Variants in PTPRD observed in about 807,000 individuals in gnomAD.
PTPRD encodes the protein protein tyrosine phosphatase receptor type D.
In PTPRD, 34 loss-of-function variants were observed where a neutral mutation model predicts 214.5. The observed-to-expected ratio is 0.16, with a 90% confidence interval of 0.12 to 0.21. The LOEUF (loss-of-function observed/expected upper bound fraction) is 0.21, where lower values mean the gene tolerates loss of function less well. Ranked by LOEUF, PTPRD falls within the 10% of genes least tolerant of loss-of-function variation. The pLI is 1.00. For missense variants in PTPRD, 2,545 were observed against 2,398.7 expected (o/e 1.06, Z -1.27); for synonymous variants, 1,128 against 845.7 (o/e 1.33, Z -5.79).
At chr9:8,458,267 G>A (rs1004456823) in intron 33 of PTPRD, among the ~76,000 whole-genome samples, 1 of 152,100 alleles carries the variant, frequency 6.6e-6, no homozygotes, top group Non-Finnish European at 1.5e-5. Context: ...ACTTGCAGAT[G>A]AAGGAAGAAA....
At position 9,162,534 on chromosome 9, in the gene PTPRD, G is replaced by C. The variant is rs535408796; in HGVS notation, c.-143+20770C>G. Reference sequence around the variant, plus strand: ...TCCATCTACATAATTGATCTACCATGTATCTGCAGTCTGAAATCCTTCCCC... The same window carrying C: ...TCCATCTACATAATTGATCTACCATCTATCTGCAGTCTGAAATCCTTCCCC... On this transcript the variant is annotated intron_variant, in intron 10 of 45. Coordinates refer to ENST00000381196, the MANE Select transcript of PTPRD (RefSeq NM_002839.4). 2.0e-5 allele frequency among the ~76,000 whole-genome samples: 3 copies of C among 152,134 alleles called. No homozygotes were observed. In the East Asian group the frequency reaches 5.8e-4, roughly 30 times the overall value.
At chr9:10,332,255 G>A (rs974932881) in intron 3 of PTPRD, among the ~76,000 whole-genome samples, 2 of 151,798 alleles carry the variant, frequency 1.3e-5, no homozygotes, top group African/African-American at 4.8e-5. Context: ...TACCATGAGA[G>A]ATGTCAGGAG....
intron 9 of PTPRD, among the ~76,000 whole-genome samples, chr9:9,275,068 ATAT>A (rs750492503): frequency 4.9e-4 from 32 of 65,778 alleles, no homozygotes; most frequent in Admixed American, 7.9e-4. Flanking sequence ...TATATATATT[ATAT>A]ATATATATAT....
intron 2 of PTPRD, among the ~76,000 whole-genome samples, chr9:10,474,014 C>T (rs2099047314): frequency 6.6e-6 from 1 of 151,996 alleles, no homozygotes; most frequent in Admixed American, 6.6e-5. Context: ...AAAACCAGTA[C>T]CAGTCACTGC....
chr9:10,343,912 T>A (rs112472484), intron 2 of PTPRD, among the ~76,000 whole-genome samples: 2,323 of 151,726 alleles, frequency 0.015, 71 homozygotes, highest in African/African-American at 0.053. Context: ...TATTAGCTCT[T>A]TGTCAGATGG....
intron 3 of PTPRD, among the ~76,000 whole-genome samples, chr9:10,211,885 C>T (rs1196822851): frequency 1.3e-5 from 2 of 151,988 alleles, no homozygotes; most frequent in East Asian, 3.9e-4. Context: ...CACTAAAAGC[C>T]CAGACTTTAC....
intron 11 of PTPRD, among the ~76,000 whole-genome samples, chr9:9,005,678 A>G (rs1450102168): frequency 1.3e-5 from 2 of 152,066 alleles, no homozygotes; most frequent in African/African-American, 4.8e-5. Flanking sequence ...GTGCCTTTTA[A>G]TAAAGTTCAC....
intron 10 of PTPRD, among the ~76,000 whole-genome samples, chr9:9,096,621 G>C (rs935804609): frequency 1.3e-5 from 2 of 152,034 alleles, no homozygotes; most frequent in Non-Finnish European, 2.9e-5. Flanking sequence ...AGGTTACATA[G>C]AGATTATCAG....
intron 5 of PTPRD, among the ~76,000 whole-genome samples, chr9:9,905,412 C>A (rs2077320816): frequency 6.6e-6 from 1 of 151,918 alleles, no homozygotes; most frequent in South Asian, 2.1e-4. Flanking sequence ...AGTCTGCAAA[C>A]AACTATATTG....
intron 3 of PTPRD, among the ~76,000 whole-genome samples, chr9:10,129,137 C>A (rs181516221): frequency 6.6e-6 from 1 of 152,212 alleles, no homozygotes; most frequent in Admixed American, 6.5e-5. Context: ...TTGGACCTTG[C>A]TGCTTCTTGT....
At chr9:8,497,491 A>G (rs1346078206) in intron 25 of PTPRD, among the ~76,000 whole-genome samples, 1 of 152,218 alleles carries the variant, frequency 6.6e-6, no homozygotes, top group Admixed American at 6.5e-5. Flanking sequence ...ACCAGCTAAC[A>G]TTCTTTAAAT....
At chr9:8,507,535 C>T (rs1340310550) in intron 21 of PTPRD, 101 bp from the exon 22 acceptor site, 10 of 1,403,144 alleles carry the variant, frequency 7.1e-6, no homozygotes, top group Middle Eastern at 1.8e-4. Context: ...AATCTGTACA[C>T]ATGTACCAGC....
intron 2 of PTPRD, among the ~76,000 whole-genome samples, chr9:10,579,260 C>CT (rs2070786869): frequency 6.6e-6 from 1 of 152,074 alleles, no homozygotes; most frequent in African/African-American, 2.4e-5. Context: ...CCAATAGTAG[C>CT]TTTTTTGCCC....
At chr9:8,514,264 T>C (rs1054676922) in intron 21 of PTPRD, among the ~76,000 whole-genome samples, 7 of 152,198 alleles carry the variant, frequency 4.6e-5, no homozygotes, top group African/African-American at 1.2e-4. Flanking sequence ...TTTAGCATTC[T>C]AAATACAAGG....
Position 9,381,714 on chromosome 9 carries a change from G to GT in PTPRD, c.-203+15734dup, listed in dbSNP as rs34478942. 5.0e-3 allele frequency among the ~76,000 whole-genome samples: 742 copies of GT among 148,770 alleles called. 4 individuals carry two copies. The highest frequency in any genetic ancestry group is 7.3e-3 in the East Asian group (37 of 5,054). ...GTTTTGTTTTTTGTTTTTTGTTTTTGTTTTTTTTTGTTTGTTTTTTAGTGG... is the reference window on the plus strand; with the variant it reads ...GTTTTGTTTTTTGTTTTTTGTTTTTGTTTTTTTTTTGTTTGTTTTTTAGTGG... On this transcript the variant is annotated intron_variant, in intron 9 of 45. Transcript: ENST00000381196.
chr9:8,740,982 G>GA (rs1470614940), intron 11 of PTPRD, among the ~76,000 whole-genome samples: 1 of 151,404 alleles, frequency 6.6e-6, no homozygotes, highest in East Asian at 1.9e-4. Context: ...AATACACAGA[G>GA]AAAAAAAAGT....
chr9:8,458,647 G>A (rs1157767609), intron 33 of PTPRD, among the ~76,000 whole-genome samples: 2 of 152,114 alleles, frequency 1.3e-5, no homozygotes, highest in Admixed American at 6.6e-5. Context: ...ACCAGCTCCT[G>A]CTTGGACTCA....
At chr9:10,519,412 A>T (rs935360033) in intron 2 of PTPRD, among the ~76,000 whole-genome samples, 1 of 152,112 alleles carries the variant, frequency 6.6e-6, no homozygotes, top group Non-Finnish European at 1.5e-5. Flanking sequence ...CACATTACAA[A>T]AATAACATAA....
Position 9,692,175 on chromosome 9 carries a change from GA to G in PTPRD, c.-287+42357del, listed in dbSNP as rs2097285031. Among the ~76,000 whole-genome samples, 3 of 151,144 alleles carry G rather than the reference GA, an allele frequency of 2.0e-5. No individual in the cohort carries two copies. In the South Asian group the frequency reaches 6.2e-4, roughly 31 times the overall value. On this transcript the variant is annotated intron_variant, in intron 7 of 45. Coordinates refer to ENST00000381196, the MANE Select transcript of PTPRD (RefSeq NM_002839.4). ...TTGCTTTGGTTGCCTATGCTTGTGG[GA>G]TATTCATGAAGAAACATTTGCCCAG...
Sources: gnomAD v4.1 joint callset for allele counts (sites outside exome capture counted in the v4.1 genomes callset) on GRCh38, gnomAD v4.1.1 for gene constraint, MANE v1.5 for transcripts, NCBI Gene and HGNC (gene_info 2026-07-23, HGNC 2026-07-21) for gene names.